The following SLCO3A1 variants were observed in gnomAD, a reference collection of about 807,000 sequenced individuals.
The protein encoded by SLCO3A1 is PGE1 transporter.
In SLCO3A1, 27 loss-of-function variants were observed where a neutral mutation model predicts 63.1. The observed-to-expected ratio is 0.43, with a 90% CI of 0.32 to 0.59. The LOEUF (loss-of-function observed/expected upper bound fraction) is 0.59. Among genes scored for constraint, SLCO3A1 ranks in the 20% least tolerant of loss-of-function variants. The probability of loss-of-function intolerance (pLI) is 0.09; values close to 1 mark genes in which losing one functional copy is unlikely to be tolerated. For missense variants in SLCO3A1, 773 were observed against 945.8 expected, an observed-to-expected ratio of 0.82 and a Z score of 2.40; for synonymous variants, 473 against 409.9, an observed-to-expected ratio of 1.15 and a Z score of -1.86.
At chr15:92,109,759 C>T (rs932166307) in intron 4 of SLCO3A1, among the ~76,000 whole-genome samples, 3 of 152,010 alleles carry the variant, frequency 2.0e-5, no homozygotes, top group African/African-American at 4.8e-5. Context: ...TTATGATTTC[C>T]GGAGCTCTGG....
At chr15:91,975,030 A>G (rs1450997083) in intron 2 of SLCO3A1, among the ~76,000 whole-genome samples, 1 of 152,192 alleles carries the variant, frequency 6.6e-6, no homozygotes, top group African/African-American at 2.4e-5. Context: ...TAAAATGAGT[A>G]GAATAAGTGT....
chr15:92,032,295 C>T (rs557359482), intron 2 of SLCO3A1, among the ~76,000 whole-genome samples: 1 of 152,070 alleles, frequency 6.6e-6, no homozygotes, highest in Non-Finnish European at 1.5e-5. Context: ...GTGAGGAGAA[C>T]TGAACTCTCC....
intron 2 of SLCO3A1, among the ~76,000 whole-genome samples, chr15:92,011,608 C>T (rs1213736633): frequency 1.3e-5 from 2 of 152,230 alleles, no homozygotes; most frequent in Non-Finnish European, 2.9e-5. Flanking sequence ...TTCTCTCTCT[C>T]ATTCCTTGCT....
chr15:92,055,672 G>C (rs2151501339), intron 2 of SLCO3A1, among the ~76,000 whole-genome samples: 1 of 152,312 alleles, frequency 6.6e-6, no homozygotes, highest in South Asian at 2.1e-4. Context: ...ACAAGAGAAA[G>C]ACTGGGCCAC....
Position 91,854,011 on chromosome 15 carries a change from T to A in SLCO3A1, c.103T>A (p.Cys35Ser). The change falls in exon 1 of 10, where the codon TGC (cysteine) becomes AGC (serine). Residue 35 changes from cysteine (C) to serine (S), a missense_variant. Physicochemically the swap from Cys to Ser is moderately radical, Grantham distance 112. Around this residue, in one of 3 missense-constraint regions of SLCO3A1, gnomAD observed 69 missense variants for 64.6 expected, o/e 1.07. Coordinates refer to ENST00000318445, the MANE Select transcript of SLCO3A1 (RefSeq NM_013272.4). This position sits in a 1 kb window ranked among gnomAD's most constrained non-coding sequence, Gnocchi z 6.4. ...CAAGAAAAAGAAAAAGAAGGTGTCC[T>A]GCTTTTCCAACATCAAGATCTTCCT... ...RNKKKKKKVS[C>S]FSNIKIFLVS... 1 of 1,545,490 alleles carries A rather than the reference T, an allele frequency of 6.5e-7. No homozygotes were observed.
chr15:92,093,999 G>A (rs2047508979), intron 2 of SLCO3A1, among the ~76,000 whole-genome samples: 1 of 152,136 alleles, frequency 6.6e-6, no homozygotes, highest in Admixed American at 6.5e-5. Flanking sequence ...AAAGGGAAGG[G>A]CCACTTTCTG....
At chr15:92,025,166 C>CTTT (rs11413999) in intron 2 of SLCO3A1, among the ~76,000 whole-genome samples, 293 of 129,050 alleles carry the variant, frequency 2.3e-3, no homozygotes, top group African/African-American at 7.4e-3. Context: ...TTAGGTTGTC[C>CTTT]TTTTTTTTTT....
intron 7 of SLCO3A1, among the ~76,000 whole-genome samples, chr15:92,146,466 C>T (rs1053304787): frequency 1.3e-5 from 2 of 152,258 alleles, no homozygotes; most frequent in Admixed American, 6.5e-5. Flanking sequence ...TGTCCCTCGC[C>T]CAGCCTTGCA....
chr15:92,143,397 A>AATATATG, intron 7 of SLCO3A1, among the ~76,000 whole-genome samples: 2 of 2,150 alleles, frequency 9.3e-4, no homozygotes, highest in African/African-American at 0.012. Context: ...TATATATTAT[A>AATATATG]TAATATATAT....
At chr15:92,000,619 T>C (rs1283428575) in intron 2 of SLCO3A1, among the ~76,000 whole-genome samples, 1 of 152,224 alleles carries the variant, frequency 6.6e-6, no homozygotes, top group African/African-American at 2.4e-5. Flanking sequence ...ATTATGCTAA[T>C]TAAAGTTGAG....
At chr15:92,063,290 T>C (rs1182572871) in intron 2 of SLCO3A1, among the ~76,000 whole-genome samples, 5 of 152,190 alleles carry the variant, frequency 3.3e-5, no homozygotes, top group Non-Finnish European at 5.9e-5. Context: ...GTTAAACCCA[T>C]TTCAGTCCAA....
intron 2 of SLCO3A1, among the ~76,000 whole-genome samples, chr15:92,036,318 A>C (rs1212075444): frequency 6.6e-6 from 1 of 151,770 alleles, no homozygotes. Flanking sequence ...GCAAAATACC[A>C]AATTATTGAA....
chr15:92,022,459 A>G (rs1390940968), intron 2 of SLCO3A1, among the ~76,000 whole-genome samples: 2 of 152,258 alleles, frequency 1.3e-5, no homozygotes, highest in African/African-American at 2.4e-5. Flanking sequence ...CTTAAAGTGT[A>G]GGAAGCTCTC....
At chr15:92,070,463 G>GTCTTATTAGTAGA (rs2047202321) in intron 2 of SLCO3A1, among the ~76,000 whole-genome samples, 17 of 150,036 alleles carry the variant, frequency 1.1e-4, no homozygotes, top group Admixed American at 6.6e-5. Flanking sequence ...GCCCACATGG[G>GTCTTATTAGTAGA]GAAACCCCAT....
chr15:91,896,422 G>C (rs945119408), intron 1 of SLCO3A1, among the ~76,000 whole-genome samples: 1 of 152,234 alleles, frequency 6.6e-6, no homozygotes, highest in African/African-American at 2.4e-5. Context: ...GAGGTTGATA[G>C]GTTTGGTTGT....
At chr15:92,091,066 A>G (rs1036954483) in intron 2 of SLCO3A1, among the ~76,000 whole-genome samples, 12 of 152,142 alleles carry the variant, frequency 7.9e-5, no homozygotes, top group African/African-American at 2.9e-4. Flanking sequence ...AACCTGGGCA[A>G]TCCTTCCCAC....
intron 1 of SLCO3A1, among the ~76,000 whole-genome samples, chr15:91,888,822 AAAAAC>A (rs1260934870): frequency 2.6e-5 from 4 of 152,020 alleles, no homozygotes; most frequent in East Asian, 1.9e-4. Context: ...ATCTCTACAA[AAAAAC>A]AAAACAAAAC....
At chr15:91,934,612 C>T (rs141902327) in intron 2 of SLCO3A1, among the ~76,000 whole-genome samples, 1 of 152,318 alleles carries the variant, frequency 6.6e-6, no homozygotes, top group East Asian at 1.9e-4. Flanking sequence ...GTTTGAAGAC[C>T]ACCTTTAACA....
intron 9 of SLCO3A1, among the ~76,000 whole-genome samples, chr15:92,157,492 ATTTTTT>A (rs201261449): frequency 7.1e-6 from 1 of 141,324 alleles, no homozygotes; most frequent in African/African-American, 2.7e-5. Flanking sequence ...ATGTGGAGAA[ATTTTTT>A]TTTTTTTTTT....
Sources: allele counts gnomAD v4.1 joint callset (sites outside exome capture counted in the v4.1 genomes callset), GRCh38; gene constraint gnomAD v4.1.1; regional missense constraint gnomAD v4.1.1; non-coding constraint Gnocchi (gnomAD v3.1); transcripts MANE v1.5; gene names NCBI Gene and HGNC (gene_info 2026-07-23, HGNC 2026-07-21).